APBA2: variants seen among roughly 807,000 people sequenced by gnomAD.
APBA2 encodes amyloid-beta A4 precursor protein-binding family A member 2.
In APBA2, 30 loss-of-function variants were observed where a neutral mutation model predicts 75.0. The observed-to-expected ratio is 0.40, with a 90% confidence interval of 0.30 to 0.54. The LOEUF is 0.54. APBA2 is among the 20% of genes least tolerant of loss of function. The pLI, the probability that APBA2 is intolerant of heterozygous loss-of-function variation, is 0.49. For synonymous variants in APBA2, 444 were observed against 409.6 expected, an observed-to-expected ratio of 1.08 and a Z score of -1.01; for missense variants, 801 against 1,016.1, an observed-to-expected ratio of 0.79 and a Z score of 2.88.
chr15:28,898,250 G>A (rs1454093525), intron 1 of APBA2, among the ~76,000 whole-genome samples: 6 of 152,224 alleles, frequency 3.9e-5, no homozygotes, highest in East Asian at 1.9e-4. Context: ...CACAGCAACC[G>A]TTGGAAATGG....
At chr15:28,961,900 T>C (rs2036493679) in intron 2 of APBA2, among the ~76,000 whole-genome samples, 1 of 152,222 alleles carries the variant, frequency 6.6e-6, no homozygotes, top group South Asian at 2.1e-4. Context: ...TTTTTACTTC[T>C]CAGCTTGTTG....
At chr15:29,013,135 CATA>C (rs1168479016) in intron 3 of APBA2, among the ~76,000 whole-genome samples, 2 of 151,968 alleles carry the variant, frequency 1.3e-5, no homozygotes, top group South Asian at 2.1e-4. Context: ...ATTCTTCAGA[CATA>C]ATATTTTTTT....
At chr15:29,010,134 A>G (rs1409137168) in intron 3 of APBA2, among the ~76,000 whole-genome samples, 1 of 152,182 alleles carries the variant, frequency 6.6e-6, no homozygotes, top group Non-Finnish European at 1.5e-5. Context: ...TTTTCAGTTC[A>G]CTGAAGACTG....
chr15:28,979,591 C>T (rs1309799582), intron 2 of APBA2, among the ~76,000 whole-genome samples: 2 of 152,160 alleles, frequency 1.3e-5, no homozygotes, highest in Non-Finnish European at 2.9e-5. Flanking sequence ...CCATTTGTGT[C>T]AGCAGGGTGC....
chr15:29,089,002 C>G (rs1356534817), intron 6 of APBA2, among the ~76,000 whole-genome samples: 1 of 152,198 alleles, frequency 6.6e-6, no homozygotes, highest in African/African-American at 2.4e-5. Context: ...CTCCTCCAGA[C>G]CTCAGCTTAA....
At chr15:29,078,890 C>T (rs1194933464) in intron 6 of APBA2, among the ~76,000 whole-genome samples, 1 of 152,240 alleles carries the variant, frequency 6.6e-6, no homozygotes, top group East Asian at 1.9e-4. Context: ...GAGGTGATGA[C>T]TTCTCTGCAT....
chr15:29,087,345 T>C (rs2043334161), intron 6 of APBA2, among the ~76,000 whole-genome samples: 1 of 152,202 alleles, frequency 6.6e-6, no homozygotes, highest in Admixed American at 6.5e-5. Flanking sequence ...GGCAACTCTG[T>C]GCGTTTTCTT....
At chr15:29,095,088 A>C in intron 8 of APBA2, among the ~76,000 whole-genome samples, 1 of 151,636 alleles carries the variant, frequency 6.6e-6, no homozygotes, top group East Asian at 1.9e-4. Flanking sequence ...AAAAAGAAAC[A>C]AAAAAAGAAA....
At chr15:29,093,980 C>T (rs2043716157) in intron 7 of APBA2, among the ~76,000 whole-genome samples, 1 of 152,252 alleles carries the variant, frequency 6.6e-6, no homozygotes, top group African/African-American at 2.4e-5. Context: ...ATCCCAGACC[C>T]TTGCCTTGCT....
intron 3 of APBA2, among the ~76,000 whole-genome samples, chr15:29,008,503 C>G (rs1245683948): frequency 6.6e-6 from 1 of 152,070 alleles, no homozygotes; most frequent in East Asian, 1.9e-4. Context: ...GGCAGGATCA[C>G]TTGAGTCCAG....
At chr15:28,975,846 T>G (rs544656785) in intron 2 of APBA2, among the ~76,000 whole-genome samples, 1 of 152,242 alleles carries the variant, frequency 6.6e-6, no homozygotes, top group South Asian at 2.1e-4. Flanking sequence ...AACAAAACAA[T>G]ACAAGTTTGA....
chr15:28,973,255 C>T (rs184062083), intron 2 of APBA2, among the ~76,000 whole-genome samples: 1 of 152,254 alleles, frequency 6.6e-6, no homozygotes, highest in East Asian at 1.9e-4. Context: ...TATGTGAACA[C>T]TAGAGGTTTT....
At chr15:28,996,212 G>A (rs2038511925) in intron 3 of APBA2, among the ~76,000 whole-genome samples, 4 of 152,214 alleles carry the variant, frequency 2.6e-5, no homozygotes, top group African/African-American at 2.4e-5. Context: ...CATGTATATC[G>A]GCAATAATAG....
intron 1 of APBA2, among the ~76,000 whole-genome samples, chr15:28,898,034 G>A (rs573151437): frequency 3.9e-5 from 6 of 152,184 alleles, no homozygotes; most frequent in African/African-American, 1.4e-4. Flanking sequence ...GGAAATTGGA[G>A]TGATGCGGCC....
intron 9 of APBA2, 29 bp from the exon 10 acceptor site, chr15:29,101,570 C>T (rs768927880): frequency 6.2e-7 from 1 of 1,606,214 alleles, no homozygotes; most frequent in Non-Finnish European, 8.5e-7. Context: ...GTAGTGTTCC[C>T]TGACGTGGCA....
At chr15:29,079,827 A>G (rs2043009736) in intron 6 of APBA2, among the ~76,000 whole-genome samples, 1 of 152,242 alleles carries the variant, frequency 6.6e-6, no homozygotes, top group Admixed American at 6.5e-5. Context: ...TAATAATGAA[A>G]AAAATAATAG....
At chr15:29,009,905 T>C (rs1188537520) in intron 3 of APBA2, among the ~76,000 whole-genome samples, 1 of 152,216 alleles carries the variant, frequency 6.6e-6, no homozygotes, top group African/African-American at 2.4e-5. Context: ...TGCATTTCTA[T>C]TGAGGGTACA....
chr15:29,039,545 A>G lies in APBA2; in HGVS notation c.-40-14300A>G, dbSNP rs192534438. Among the ~76,000 whole-genome samples, 12 of 152,228 alleles carry G rather than the reference A, an allele frequency of 7.9e-5. No individual in the cohort carries two copies. The East Asian group carries it at 2.1e-3, about 27-fold the overall frequency. On this transcript the variant is annotated intron_variant, in intron 3 of 14. Coordinates refer to ENST00000683413, the MANE Select transcript of APBA2 (RefSeq NM_001353788.2). Reference sequence around the variant, plus strand: ...CTCCTCACCCAGAAATTCTGACCTCATGGAGCTGGGGCAGGATCCAGGAAT... The same window carrying G: ...CTCCTCACCCAGAAATTCTGACCTCGTGGAGCTGGGGCAGGATCCAGGAAT...
intron 3 of APBA2, among the ~76,000 whole-genome samples, chr15:29,051,324 G>GGGCC (rs1297991488): frequency 2.0e-5 from 3 of 152,042 alleles, no homozygotes; most frequent in Non-Finnish European, 4.4e-5. Context: ...ATGGGGTGAC[G>GGGCC]GGCCCTGCAG....
Sources: gnomAD v4.1 joint callset for allele counts (sites outside exome capture counted in the v4.1 genomes callset) on GRCh38, gnomAD v4.1.1 for gene constraint, MANE v1.5 for transcripts, NCBI Gene and HGNC (gene_info 2026-07-23, HGNC 2026-07-21) for gene names.